TGM6: variants seen among roughly 807,000 people sequenced by gnomAD.
TGM6 encodes transglutaminase 6, also known as protein-glutamine gamma-glutamyltransferase 6.
TGM6 carries 74 observed loss-of-function variants against 77.5 expected under a neutral mutation model. The ratio of observed to expected loss-of-function variants is 0.96; its 90% CI spans 0.79 to 1.16. TGM6 has a LOEUF of 1.16. Among genes scored for constraint, TGM6 ranks in the 50% most tolerant of loss-of-function variants. The probability of loss-of-function intolerance (pLI) is 0.00; values close to 1 mark genes in which losing one functional copy is unlikely to be tolerated. For synonymous variants in TGM6, 383 were observed against 378.9 expected (o/e 1.01, Z -0.12); for missense variants, 968 against 940.2 (o/e 1.03, Z -0.39).
intron 4 of TGM6, 117 bp from the exon 5 acceptor site, chr20:2,397,801 G>C: frequency 6.5e-7 from 1 of 1,544,244 alleles, no homozygotes; most frequent in Non-Finnish European, 8.9e-7. Flanking sequence ...CTGGTGGTTG[G>C]AGGGGGCAGC....
chr20:2,387,982 G>A (rs553293856), intron 1 of TGM6, among the ~76,000 whole-genome samples: 25 of 152,280 alleles, frequency 1.6e-4, no homozygotes, highest in Non-Finnish European at 3.4e-4. Flanking sequence ...TTTCTTCATG[G>A]CATGGTGGCT....
chr20:2,432,421 G>A (rs973316859), intron 12 of TGM6, 69 bp from the exon 13 acceptor site: 1 of 1,598,184 alleles, frequency 6.3e-7, no homozygotes. Context: ...GGGAGCCGTG[G>A]ATTGGCAGGC....
rs754216250 is a variant in TGM6, at chr20:2,394,464, C to A, written c.20C>A (p.Thr7Asn). 1.8e-5 allele frequency: 29 copies of A among 1,611,542 alleles called. No homozygotes were observed. Among genetic ancestry groups the A allele is most frequent in the Non-Finnish European group, 2.4e-5 (28 of 1,179,850 alleles). ...TCTCCCCACCCAGGGATCAGAGTCA[C>A]CAAGGTGGACTGGCAGCGGTCGAGG... is the stretch of plus-strand genomic sequence containing the variant. Reference protein sequence around the residue: MAGIRVTKVDWQRSRNG... With the variant: MAGIRVNKVDWQRSRNG... The change falls in exon 2 of 13, where the codon ACC becomes AAC. Residue 7 changes from threonine (T) to asparagine (N), a missense_variant. Thr to Asn is a moderately conservative substitution (Grantham distance 65, BLOSUM62 0). Transcript: ENST00000202625.
At chr20:2,428,409 G>A (rs1440381726) in intron 10 of TGM6, among the ~76,000 whole-genome samples, 1 of 152,128 alleles carries the variant, frequency 6.6e-6, no homozygotes, top group Admixed American at 6.5e-5. Context: ...CTGAGCTGAT[G>A]CCCAAAGCTC....
chr20:2,395,660 G>A (rs958699430), intron 3 of TGM6, among the ~76,000 whole-genome samples: 3 of 152,184 alleles, frequency 2.0e-5, no homozygotes, highest in African/African-American at 7.2e-5. Flanking sequence ...GAGGCCCAGG[G>A]GTGGGTAAGA....
rs770842798 is a variant in TGM6, at chr20:2,403,445, C to T, written c.1038C>T (p.Gly346=). The T allele has an allele frequency of 2.5e-6, 4 of 1,614,006 alleles. No individual in the cohort carries two copies. Among genetic ancestry groups the T allele is most frequent in the Admixed American group, 3.3e-5 (2 of 59,994 alleles). ...NESWFARQDL[G]PSYNGWQVLD... is the part of the protein sequence containing the mutation. ...GCTGGTTTGCCCGGCAGGACCTAGG[C>T]CCCTCTTACAATGGCTGGCAGGTTC... is the stretch of plus-strand genomic sequence containing the variant. The change falls in exon 8 of 13, where the codon GGC becomes GGT. Residue 346 remains glycine (G), a synonymous_variant. Transcript: ENST00000202625.
chr20:2,417,245 G>T lies in TGM6; in HGVS notation c.1350G>T (p.Glu450Asp). 1 of 1,603,632 alleles carries T rather than the reference G, an allele frequency of 6.2e-7. No homozygotes were observed. ...LYKYPEGSRK[E>D]RQVYSKAVNR... ...GATGCCCTGCAGGGTCCCGGAAAGA[G>T]AGGCAGGTGTACAGCAAGGCGGTGA... is the stretch of plus-strand genomic sequence containing the variant. Residue 450 changes from glutamate to aspartate, a missense_variant, in exon 10 of 13, where the codon GAG (glutamate) becomes GAT (aspartate). Coordinates refer to ENST00000202625, the MANE Select transcript of TGM6 (RefSeq NM_198994.3).
intron 10 of TGM6, among the ~76,000 whole-genome samples, chr20:2,421,607 G>T (rs1452023887): frequency 1.3e-5 from 2 of 152,070 alleles, no homozygotes; most frequent in Non-Finnish European, 2.9e-5. Flanking sequence ...CAGGTCTTTT[G>T]CCCATATTTT....
chr20:2,413,986 T>A (rs1441923982), intron 9 of TGM6, among the ~76,000 whole-genome samples: 1 of 152,162 alleles, frequency 6.6e-6, no homozygotes, highest in Non-Finnish European at 1.5e-5. Context: ...TTGCAAATCA[T>A]GTATTGAATG....
chr20:2,424,592 T>C (rs1357717055), intron 10 of TGM6, among the ~76,000 whole-genome samples: 1 of 152,242 alleles, frequency 6.6e-6, no homozygotes, highest in Non-Finnish European at 1.5e-5. Flanking sequence ...ACTTTCTCCA[T>C]ATTAGCAATA....
At position 2,417,343 on chromosome 20, in the gene TGM6, G is replaced by A. The variant is rs574491323; in HGVS notation, c.1448G>A (p.Arg483His). 6 of 1,613,924 alleles carry A rather than the reference G, an allele frequency of 3.7e-6. No individual in the cohort carries two copies. The Admixed American group carries it at 5.0e-5, about 13-fold the overall frequency. The change falls in exon 10 of 13, where the codon CGT becomes CAT. Residue 483 changes from arginine (R) to histidine (H), a missense_variant. By Grantham distance (29) the Arg-to-His change is conservative. Transcript: ENST00000202625. ...IRRAGGRCLWRDDLLEPATKP... is the reference protein window; with the variant it reads ...IRRAGGRCLWHDDLLEPATKP... ...AGGGCTGGGGGTCGCTGTCTCTGGC[G>A]TGACGACCTCCTGGAGCCTGCCACC...
intron 1 of TGM6, among the ~76,000 whole-genome samples, chr20:2,387,951 A>C (rs2422766): frequency 0.78 from 119,347 of 152,042 alleles, 47,446 homozygotes; most frequent in African/African-American, 0.86. Context: ...TCCAGGTGAG[A>C]TTCTCCGTGG....
At position 2,403,465 on chromosome 20, in the gene TGM6, A is replaced by G; in HGVS notation, c.1058A>G (p.Gln353Arg). ...CTAGGCCCCTCTTACAATGGCTGGC[A>G]GGTTCTGGATGCCACCCCCCAGGAG... ...QDLGPSYNGW[Q>R]VLDATPQEES... The change falls in exon 8 of 13, where the codon CAG (glutamine) becomes CGG (arginine). Residue 353 changes from glutamine (Q) to arginine (R), a missense_variant. Physicochemically the swap from Gln to Arg is conservative, Grantham distance 43. Transcript: ENST00000202625. 6.2e-7 allele frequency: 1 copy of G among 1,614,176 alleles called. No homozygotes were observed. Among genetic ancestry groups the G allele is most frequent in the Non-Finnish European group, 8.5e-7 (1 of 1,180,026 alleles).
At chr20:2,401,702 A>C (rs2084710543) in intron 7 of TGM6, among the ~76,000 whole-genome samples, 1 of 152,230 alleles carries the variant, frequency 6.6e-6, no homozygotes. Context: ...AAGCACAGAG[A>C]GGTTAAGTAA....
intron 1 of TGM6, among the ~76,000 whole-genome samples, chr20:2,392,966 C>T (rs1268232824): frequency 6.6e-6 from 1 of 152,118 alleles, no homozygotes; most frequent in Non-Finnish European, 1.5e-5. Flanking sequence ...TGTCAGCTGC[C>T]CCCAGAGGAC....
chr20:2,397,949 C>A lies in TGM6; in HGVS notation c.575C>A (p.Ser192Tyr), dbSNP rs775649925. 1 of 1,614,132 alleles carries A rather than the reference C, an allele frequency of 6.2e-7. No homozygotes were observed. Residue 192 changes from serine to tyrosine, a missense_variant, in exon 5 of 13, where the codon TCC becomes TAC. Ser to Tyr is a moderately radical substitution (Grantham distance 144, BLOSUM62 -2). Coordinates refer to ENST00000202625, the MANE Select transcript of TGM6 (RefSeq NM_198994.3). ...FEEDILNICLSILDRSPGHQN... is the reference protein window; with the variant it reads ...FEEDILNICLYILDRSPGHQN... The stretch of plus-strand genomic sequence containing the variant: ...GAGGACATCCTGAACATCTGCCTCT[C>A]CATCCTGGATCGAAGCCCCGGTCAC...
chr20:2,390,462 G>C (rs1181909116), intron 1 of TGM6, among the ~76,000 whole-genome samples: 2 of 152,188 alleles, frequency 1.3e-5, no homozygotes, highest in African/African-American at 4.8e-5. Flanking sequence ...TTGCTTGTTT[G>C]TGTGCCCTTT....
Position 2,417,524 on chromosome 20 carries a change from G to C in TGM6, c.1629G>C (p.Val543=). The change falls in exon 10 of 13, where the codon GTG becomes GTC. Residue 543 remains valine (V), a synonymous_variant. Coordinates refer to ENST00000202625, the MANE Select transcript of TGM6 (RefSeq NM_198994.3). ...GATILYTRKP[V]AEILHESHAV... The stretch of plus-strand genomic sequence containing the variant: ...CCATCCTCTATACCCGCAAGCCAGT[G>C]GCAGAGATCCTGCATGAATCCCACG... 6.2e-7 allele frequency: 1 copy of C among 1,606,898 alleles called. No homozygotes were observed. The highest frequency in any genetic ancestry group is 8.5e-7 in the Non-Finnish European group (1 of 1,179,952).
chr20:2,411,960 G>C (rs183115965), intron 9 of TGM6, among the ~76,000 whole-genome samples: 1 of 152,152 alleles, frequency 6.6e-6, no homozygotes, highest in African/African-American at 2.4e-5. Context: ...GCAGGACCTC[G>C]AAGAGATATT....
Sources: allele counts gnomAD v4.1 joint callset (sites outside exome capture counted in the v4.1 genomes callset), GRCh38; gene constraint gnomAD v4.1.1; transcripts MANE v1.5; gene names NCBI Gene and HGNC (gene_info 2026-07-23, HGNC 2026-07-21).